Variants in CCDC88A observed in about 807,000 individuals in gnomAD.
CCDC88A encodes coiled-coil and HOOK domain protein 88A.
CCDC88A carries 54 observed loss-of-function variants against 234.3 expected under a neutral mutation model. The observed-to-expected ratio is 0.23, with a 90% CI of 0.19 to 0.29. CCDC88A has a LOEUF of 0.29. Ranked by LOEUF, CCDC88A falls within the 10% of genes least tolerant of loss-of-function variation. CCDC88A has a pLI of 1.00. For synonymous variants in CCDC88A, 753 were observed against 737.8 expected (o/e 1.02, Z -0.33); for missense variants, 1,832 against 2,123.4 (o/e 0.86, Z 2.70).
chr2:55,367,427 C>T (rs564841823), intron 5 of CCDC88A, among the ~76,000 whole-genome samples: 2 of 151,308 alleles, frequency 1.3e-5, no homozygotes, highest in East Asian at 1.9e-4. Flanking sequence ...TATTTGAAAA[C>T]AATACTTGTA....
chr2:55,325,515 T>C (rs748485328), intron 17 of CCDC88A, among the ~76,000 whole-genome samples: 2 of 152,208 alleles, frequency 1.3e-5, no homozygotes, highest in African/African-American at 4.8e-5. Context: ...TCTGTATGCC[T>C]TTCATTTCTT....
At chr2:55,387,521 C>T (rs1280733531) in intron 3 of CCDC88A, among the ~76,000 whole-genome samples, 1 of 151,864 alleles carries the variant, frequency 6.6e-6, no homozygotes, top group Non-Finnish European at 1.5e-5. Flanking sequence ...GGGGCTCATG[C>T]CTGTAATCCC....
Position 55,334,526 on chromosome 2 carries a change from A to G in CCDC88A, c.2295T>C (p.Asn765=), listed in dbSNP as rs758704904. The change falls in exon 15 of 33, where the codon AAT becomes AAC. Residue 765 remains asparagine (N), a synonymous_variant. Coordinates refer to ENST00000436346, the MANE Select transcript of CCDC88A (RefSeq NM_001365480.1). This position sits in a 1 kb window ranked among gnomAD's most constrained non-coding sequence, Gnocchi z 6.1. ...EVSYQGLDIE[N]QRLQKTLENS... ...TCTCTAAAGTTTTTTGCAGTCTTTG[A>G]TTTTCTATATCTAAACCCTGGTAGC... The G allele has an allele frequency of 3.3e-5, 53 of 1,609,994 alleles. No homozygotes were observed. Among genetic ancestry groups the G allele is most frequent in the Non-Finnish European group, 4.2e-5 (50 of 1,179,016 alleles).
chr2:55,303,230 T>C, intron 25 of CCDC88A, 78 bp from the exon 26 acceptor site: 2 of 847,404 alleles, frequency 2.4e-6, no homozygotes, highest in Non-Finnish European at 4.0e-6. Context: ...GGGAGTTAAA[T>C]GTTGAAATTA....
At chr2:55,343,213 T>C in intron 12 of CCDC88A, among the ~76,000 whole-genome samples, 1 of 152,168 alleles carries the variant, frequency 6.6e-6, no homozygotes, top group East Asian at 1.9e-4. Context: ...ATGAAGATCC[T>C]TAAATTAACT....
intron 5 of CCDC88A, among the ~76,000 whole-genome samples, chr2:55,367,537 T>TTTTTTGTTTTTTTTTTTTA (rs70954107): frequency 1.4e-5 from 2 of 146,828 alleles, no homozygotes; most frequent in African/African-American, 5.1e-5. Flanking sequence ...TGTTTTTTTT[T>TTTTTTGTTTTTTTTTTTTA]AAGAGACTGG....
At chr2:55,374,579 C>T (rs1479432544) in intron 4 of CCDC88A, among the ~76,000 whole-genome samples, 1 of 152,084 alleles carries the variant, frequency 6.6e-6, no homozygotes, top group Admixed American at 6.6e-5. Flanking sequence ...ACAAAAGTAT[C>T]TGTTTGGTAT....
chr2:55,369,854 TATTAC>T (rs1672564403), intron 5 of CCDC88A, among the ~76,000 whole-genome samples: 1 of 152,298 alleles, frequency 6.6e-6, no homozygotes, highest in Middle Eastern at 3.4e-3. Context: ...CACCAATGTA[TATTAC>T]ATTACGGTAA....
At chr2:55,322,503 T>G in intron 18 of CCDC88A, 25 bp downstream of exon 18, 1 of 1,393,954 alleles carries the variant, frequency 7.2e-7, no homozygotes, top group Non-Finnish European at 1.0e-6. Context: ...AAAAACTATT[T>G]CTACTAAAAT....
In CCDC88A at chr2:55,336,693, A is replaced by G; in HGVS notation, c.1644T>C (p.Asn548=). 6.4e-7 allele frequency: 1 copy of G among 1,573,362 alleles called. No homozygotes were observed. The highest frequency in any genetic ancestry group is 8.6e-7 in the Non-Finnish European group (1 of 1,163,550). The change falls in exon 14 of 33, where the codon AAT becomes AAC. Residue 548 remains asparagine, a synonymous_variant. Coordinates refer to ENST00000436346, the MANE Select transcript of CCDC88A (RefSeq NM_001365480.1). The part of the protein sequence containing the change: ...LEKTIETLRE[N]SERQIKILEQ... Reference sequence around the variant, plus strand: ...AAAATGTATGAACCTGTCTCTCTGAATTTTCTCTCAGTGTTTCTATTGTTT... The same window carrying G: ...AAAATGTATGAACCTGTCTCTCTGAGTTTTCTCTCAGTGTTTCTATTGTTT...
Position 55,355,625 on chromosome 2 carries a change from C to T in CCDC88A, c.754G>A (p.Glu252Lys). ...ATCTTGGCTTTAGCATCTGCCAGTT[C>T]CACCGACAGATGTTGTCGACTTTCT... Reference protein sequence around the residue: ...RTESRQHLSVELADAKAKIRR... With the variant: ...RTESRQHLSVKLADAKAKIRR... The change falls in exon 8 of 33, where the codon GAA (glutamate) becomes AAA (lysine). Residue 252 changes from glutamate (E) to lysine (K), a missense_variant. Transcript: ENST00000436346. 6.2e-7 allele frequency: 1 copy of T among 1,614,066 alleles called. No homozygotes were observed.
rs1675204450 is a variant in CCDC88A, at chr2:55,384,573, ATATATGTGTATATATACACATATATACG to A, written c.273+4177_273+4204del. On this transcript the variant is annotated intron_variant, in intron 3 of 32. Transcript: ENST00000436346. Reference sequence around the variant, plus strand: ...TGTGTATATATACACATATATACGTATATATGTGTATATATACACATATATACGTATATATGTGTATATATACGTATAT... The same window carrying A: ...TGTGTATATATACACATATATACGTATATATATGTGTATATATACGTATAT... Among the ~76,000 whole-genome samples, 2 of 96,026 alleles carry A rather than the reference ATATATGTGTATATATACACATATATACG, an allele frequency of 2.1e-5. 1 individual carries two copies. Among genetic ancestry groups the A allele is most frequent in the Admixed American group, 2.4e-4 (2 of 8,190 alleles). 63.0% of individuals were successfully genotyped at this position (96,026 alleles called of 152,430 possible).
chr2:55,325,443 G>A (rs1465582194), intron 17 of CCDC88A, among the ~76,000 whole-genome samples: 2 of 152,202 alleles, frequency 1.3e-5, no homozygotes, highest in East Asian at 1.9e-4. Context: ...ATTCCTCAGG[G>A]TTTTCTGTAA....
chr2:55,391,995 A>C (rs55908714), intron 2 of CCDC88A, among the ~76,000 whole-genome samples: 76,891 of 152,042 alleles, frequency 0.51, 21,528 homozygotes, highest in Admixed American at 0.63. Flanking sequence ...ACATTTTAGA[A>C]GGGTTGCAGG....
At chr2:55,303,809 A>C (rs1348747326) in intron 25 of CCDC88A, among the ~76,000 whole-genome samples, 2 of 152,220 alleles carry the variant, frequency 1.3e-5, no homozygotes, top group Admixed American at 1.3e-4. Context: ...AATGAAGGCT[A>C]CTGGTGGTTC....
At chr2:55,376,364 CTTTA>C (rs1177117644) in intron 3 of CCDC88A, among the ~76,000 whole-genome samples, 1 of 152,088 alleles carries the variant, frequency 6.6e-6, no homozygotes, top group Non-Finnish European at 1.5e-5. Flanking sequence ...TTTCTGAATC[CTTTA>C]TTTAACTTAA....
At chr2:55,302,122 CT>C in intron 26 of CCDC88A, 50 bp from the exon 27 acceptor site, 1 of 1,442,268 alleles carries the variant, frequency 6.9e-7, no homozygotes, top group Non-Finnish European at 9.7e-7. Flanking sequence ...TGTATTTGTT[CT>C]TATTTCTATT....
chr2:55,294,914 CCAT>C (rs1679841945), intron 31 of CCDC88A: 1 of 1,134,208 alleles, frequency 8.8e-7, no homozygotes, highest in Non-Finnish European at 1.1e-6. Context: ...AATATACATG[CCAT>C]CATGTACAGC....
chr2:55,328,422 A>C lies in CCDC88A; in HGVS notation c.2869T>G (p.Leu957Val). 1 of 1,570,668 alleles carries C rather than the reference A, an allele frequency of 6.4e-7. No homozygotes were observed. Among genetic ancestry groups the C allele is most frequent in the Non-Finnish European group, 8.6e-7 (1 of 1,156,814 alleles). The change falls in exon 17 of 33, where the codon TTG (leucine) becomes GTG (valine). Residue 957 changes from leucine (L) to valine (V), a missense_variant. By Grantham distance (32) the Leu-to-Val change is conservative. Coordinates refer to ENST00000436346, the MANE Select transcript of CCDC88A (RefSeq NM_001365480.1). This position sits in a 1 kb window ranked among gnomAD's most constrained non-coding sequence, Gnocchi z 4.3. ...QSTDDSRYKL[L>V]ESKLESTLKK... ...AGAGTGGATTCTAATTTTGATTCCA[A>C]AAGTTTATACCTACTATCCAAGTAC...
Sources: gnomAD v4.1 joint callset for allele counts (sites outside exome capture counted in the v4.1 genomes callset) on GRCh38, gnomAD v4.1.1 for gene constraint, Gnocchi (gnomAD v3.1) non-coding constraint, MANE v1.5 for transcripts, NCBI Gene and HGNC (gene_info 2026-07-23, HGNC 2026-07-21) for gene names.